CHCHD6: variants seen among roughly 807,000 people sequenced by gnomAD.
CHCHD6 encodes the protein coiled-coil-helix-coiled-coil-helix domain containing 6.
CHCHD6 carries 28 observed loss-of-function variants against 32.3 expected under a neutral mutation model. The ratio of observed to expected loss-of-function variants is 0.87; its 90% CI spans 0.64 to 1.19. The LOEUF (loss-of-function observed/expected upper bound fraction) is 1.19, where lower values mean the gene tolerates loss of function less well. Among genes scored for constraint, CHCHD6 ranks in the 50% most tolerant of loss-of-function variants. CHCHD6 has a pLI of 0.00. For missense variants in CHCHD6, 333 were observed against 307.0 expected, an observed-to-expected ratio of 1.08 and a Z score of -0.63; for synonymous variants, 122 against 117.5, an observed-to-expected ratio of 1.04 and a Z score of -0.25.
At chr3:126,951,367 A>C (rs2078713291) in intron 6 of CHCHD6, among the ~76,000 whole-genome samples, 1 of 152,262 alleles carries the variant, frequency 6.6e-6, no homozygotes, top group Non-Finnish European at 1.5e-5. Flanking sequence ...AATACTGCAC[A>C]GAATGTTGTC....
At chr3:126,766,737 G>T (rs1164052669) in intron 4 of CHCHD6, 4 of 1,162,036 alleles carry the variant, frequency 3.4e-6, no homozygotes, top group East Asian at 4.7e-5. Flanking sequence ...CTGCTTTTGG[G>T]TATGTGGTAG....
intron 1 of CHCHD6, among the ~76,000 whole-genome samples, chr3:126,709,488 T>G (rs565867703): frequency 5.3e-5 from 8 of 152,360 alleles, no homozygotes; most frequent in African/African-American, 1.7e-4. Flanking sequence ...TTAGTTCTCA[T>G]GGATAGATAC....
In CHCHD6 at chr3:126,914,776, T is replaced by C. The variant is rs370855195; in HGVS notation, c.566+26T>C. 32 of 1,371,248 alleles carry C rather than the reference T, an allele frequency of 2.3e-5. No individual in the cohort carries two copies. The African/African-American group carries it at 4.3e-4, about 18-fold the overall frequency. 84.9% of individuals were successfully genotyped at this position (1,371,248 alleles called of 1,614,324 possible). On this transcript the variant is annotated intron_variant, in intron 6 of 7. Transcript: ENST00000290913. ...GTAAGAATTTGTTTATTATTCTTTGTAAACTTGGCCCACAATTGTAAAAAT... is the reference window on the plus strand; with the variant it reads ...GTAAGAATTTGTTTATTATTCTTTGCAAACTTGGCCCACAATTGTAAAAAT...
intron 1 of CHCHD6, among the ~76,000 whole-genome samples, chr3:126,707,336 G>A (rs1040626138): frequency 1.3e-5 from 2 of 151,998 alleles, no homozygotes; most frequent in African/African-American, 2.4e-5. Context: ...TTCACAAAGT[G>A]TGTTCAAACC....
intron 4 of CHCHD6, among the ~76,000 whole-genome samples, chr3:126,752,031 G>A (rs1000701943): frequency 3.9e-5 from 6 of 152,178 alleles, no homozygotes; most frequent in African/African-American, 1.2e-4. Flanking sequence ...CAGAGTCTTA[G>A]GATGAGGCCA....
At chr3:126,712,822 C>A (rs1477674300) in intron 1 of CHCHD6, among the ~76,000 whole-genome samples, 1 of 152,234 alleles carries the variant, frequency 6.6e-6, no homozygotes. Context: ...GCCAGCACCC[C>A]CGTGCATGTC....
chr3:126,712,876 G>A (rs1450477313), intron 1 of CHCHD6, among the ~76,000 whole-genome samples: 3 of 152,158 alleles, frequency 2.0e-5, no homozygotes, highest in African/African-American at 2.4e-5. Flanking sequence ...GGACTCACCC[G>A]CATTTCTTCT....
Position 126,783,553 on chromosome 3 carries a change from AAC to A in CHCHD6, c.411+50332_411+50333del, listed in dbSNP as rs1423717661. Among the ~76,000 whole-genome samples, 11 of 152,238 alleles carry A rather than the reference AAC, an allele frequency of 7.2e-5. 1 individual carries two copies. Among genetic ancestry groups the A allele is most frequent in the Admixed American group, 7.2e-4 (11 of 15,274 alleles). On this transcript the variant is annotated intron_variant, in intron 4 of 7. Coordinates refer to ENST00000290913, the MANE Select transcript of CHCHD6 (RefSeq NM_032343.3). Reference sequence around the variant, plus strand: ...GGTCTTATATATAGAAGTTCCTAAAAACTTCACCAAAAAACTGTTAGAACTGT... The same window carrying A: ...GGTCTTATATATAGAAGTTCCTAAAATTCACCAAAAAACTGTTAGAACTGT...
At chr3:126,915,466 T>C (rs543201883) in intron 6 of CHCHD6, among the ~76,000 whole-genome samples, 19 of 152,358 alleles carry the variant, frequency 1.2e-4, no homozygotes, top group African/African-American at 4.3e-4. Context: ...TTGGGTCTTA[T>C]GGGTTCTCTG....
rs753499769 is a variant in CHCHD6, at chr3:126,852,700, C to CA, written c.467dup (p.Glu157GlyfsTer7). ...AGCTAAGACGCCGTGACACCTTCTACAAGGAGCAGCTGGAGCGTATTGAGA... is the reference window on the plus strand; with the variant it reads ...AGCTAAGACGCCGTGACACCTTCTACAAAGGAGCAGCTGGAGCGTATTGAGA... On this transcript the variant is annotated frameshift_variant, in exon 5 of 8. Transcript: ENST00000290913. LOFTEE classifies it high-confidence loss of function. 1 of 1,613,634 alleles carries CA rather than the reference C, an allele frequency of 6.2e-7. No homozygotes were observed. The highest frequency in any genetic ancestry group is 8.5e-7 in the Non-Finnish European group (1 of 1,179,640).
At chr3:126,755,838 ATGTGTGTGTGTG>A (rs58430251) in intron 4 of CHCHD6, among the ~76,000 whole-genome samples, 10 of 145,876 alleles carry the variant, frequency 6.9e-5, no homozygotes, top group Admixed American at 2.7e-4. Flanking sequence ...CTGTGTGTGC[ATGTGTGTGTGTG>A]TGTGTGTGTG....
chr3:126,950,897 ATTG>A (rs770727671), intron 6 of CHCHD6, among the ~76,000 whole-genome samples: 1 of 152,204 alleles, frequency 6.6e-6, no homozygotes, highest in East Asian at 1.9e-4. Flanking sequence ...TGCAGAAAGC[ATTG>A]TTGTTGATGG....
intron 4 of CHCHD6, among the ~76,000 whole-genome samples, chr3:126,787,104 T>C (rs1409540310): frequency 6.6e-6 from 1 of 152,234 alleles, no homozygotes; most frequent in Non-Finnish European, 1.5e-5. Flanking sequence ...TTTCTTGTTT[T>C]TGTCAGGTTT....
chr3:126,940,980 T>A (rs1422600574), intron 6 of CHCHD6, among the ~76,000 whole-genome samples: 1 of 152,206 alleles, frequency 6.6e-6, no homozygotes, highest in Non-Finnish European at 1.5e-5. Flanking sequence ...TCTAGTTAAT[T>A]TTTTGTTTAA....
At chr3:126,831,803 C>T (rs1238380147) in intron 4 of CHCHD6, among the ~76,000 whole-genome samples, 1 of 152,154 alleles carries the variant, frequency 6.6e-6, no homozygotes, top group Non-Finnish European at 1.5e-5. Flanking sequence ...CTCCTGCCAT[C>T]AAGAAGAAGA....
At chr3:126,885,384 C>T (rs1351987007) in intron 5 of CHCHD6, among the ~76,000 whole-genome samples, 4 of 152,184 alleles carry the variant, frequency 2.6e-5, no homozygotes, top group African/African-American at 9.6e-5. Flanking sequence ...ACTCCGCTTT[C>T]TTCCACTTCT....
chr3:126,946,182 C>T (rs935436515), intron 6 of CHCHD6, among the ~76,000 whole-genome samples: 1 of 152,154 alleles, frequency 6.6e-6, no homozygotes, highest in Non-Finnish European at 1.5e-5. Context: ...CAGCCACAGG[C>T]GGGCTGGAAG....
chr3:126,715,342 GC>G (rs1934957722), intron 1 of CHCHD6, among the ~76,000 whole-genome samples: 1 of 152,186 alleles, frequency 6.6e-6, no homozygotes. Context: ...CACAGGGACT[GC>G]CCTTACCTGG....
At chr3:126,951,986 A>G (rs1394502201) in intron 6 of CHCHD6, among the ~76,000 whole-genome samples, 1 of 152,224 alleles carries the variant, frequency 6.6e-6, no homozygotes, top group East Asian at 1.9e-4. Context: ...TTTTAAGGAA[A>G]AACAGAGCTT....
Sources: allele counts gnomAD v4.1 joint callset (sites outside exome capture counted in the v4.1 genomes callset), GRCh38; gene constraint gnomAD v4.1.1; transcripts MANE v1.5; gene names NCBI Gene and HGNC (gene_info 2026-07-23, HGNC 2026-07-21).